EXOC6B: variants seen among roughly 807,000 people sequenced by gnomAD.
EXOC6B encodes exocyst complex component 6B, also known as SEC15 homolog B.
EXOC6B carries 54 observed loss-of-function variants against 113.5 expected under a neutral mutation model. That is an observed-to-expected ratio of 0.48 (90% CI 0.38 to 0.60). EXOC6B has a LOEUF of 0.60. EXOC6B is among the 20% of genes least tolerant of loss of function. The pLI is 0.00. For synonymous variants in EXOC6B, 357 were observed against 339.0 expected (o/e 1.05, Z -0.58); for missense variants, 797 against 977.5 (o/e 0.82, Z 2.46).
At chr2:72,727,787 A>G (rs140849874) in intron 5 of EXOC6B, among the ~76,000 whole-genome samples, 165 of 152,298 alleles carry the variant, frequency 1.1e-3, no homozygotes, top group East Asian at 2.9e-3. Flanking sequence ...GATTATACCA[A>G]AACTTAAAAC....
At chr2:72,786,373 T>C (rs974185539) in intron 1 of EXOC6B, among the ~76,000 whole-genome samples, 17 of 152,220 alleles carry the variant, frequency 1.1e-4, no homozygotes, top group African/African-American at 3.9e-4. Context: ...AGATACTGTA[T>C]TTCACACTGA....
intron 20 of EXOC6B, among the ~76,000 whole-genome samples, chr2:72,214,995 T>G (rs1022183065): frequency 1.3e-5 from 2 of 152,200 alleles, no homozygotes; most frequent in African/African-American, 4.8e-5. Flanking sequence ...TTCACAATGA[T>G]CCATCTTTCA....
At chr2:72,724,658 A>C (rs1304937656) in intron 5 of EXOC6B, among the ~76,000 whole-genome samples, 1 of 152,240 alleles carries the variant, frequency 6.6e-6, no homozygotes, top group Non-Finnish European at 1.5e-5. Context: ...GAATTCGCAA[A>C]GGAGTACATA....
intron 20 of EXOC6B, among the ~76,000 whole-genome samples, chr2:72,249,354 A>G (rs929169889): frequency 2.0e-5 from 3 of 152,090 alleles, no homozygotes; most frequent in African/African-American, 7.2e-5. Context: ...TCCCGGGTTC[A>G]CGTCATTCTC....
rs70963140 is a variant in EXOC6B at position 72,697,105 on chromosome 2, CAGATATAGATAT to C, written c.669+20986_669+20997del. Among the ~76,000 whole-genome samples, 187 of 142,764 alleles carry C rather than the reference CAGATATAGATAT, an allele frequency of 1.3e-3. 3 individuals are homozygous for C. The highest frequency in any genetic ancestry group is 3.1e-3 in the African/African-American group (118 of 38,154). The allele number at this position is 142,764 out of a possible 152,430, so 93.7% of individuals were successfully genotyped here. A position where few individuals can be genotyped will look rare whatever the true frequency, so the allele number is the denominator to read the frequency against. The stretch of plus-strand genomic sequence containing the variant: ...TACATGTGTGTATGATTTTTATATA[CAGATATAGATAT>C]AGATATAGATATAGATATAGATATA... On this transcript the variant is annotated intron_variant, in intron 6 of 21. Coordinates refer to ENST00000272427, the MANE Select transcript of EXOC6B (RefSeq NM_015189.3).
At chr2:72,661,599 T>G (rs1675023567) in intron 6 of EXOC6B, among the ~76,000 whole-genome samples, 1 of 152,142 alleles carries the variant, frequency 6.6e-6, no homozygotes. Context: ...TACGAAATGC[T>G]AATTGAAGAA....
At chr2:72,696,182 CATT>C (rs1175929558) in intron 6 of EXOC6B, among the ~76,000 whole-genome samples, 1 of 152,152 alleles carries the variant, frequency 6.6e-6, no homozygotes, top group Non-Finnish European at 1.5e-5. Flanking sequence ...GTAATATTCT[CATT>C]TAGTTATTTT....
intron 18 of EXOC6B, among the ~76,000 whole-genome samples, chr2:72,451,491 G>A (rs772911798): frequency 5.3e-4 from 80 of 151,942 alleles, no homozygotes; most frequent in African/African-American, 1.8e-3. Context: ...AGTTAAAGAC[G>A]GTAAATCATT....
chr2:72,446,822 G>T (rs1264222158), intron 18 of EXOC6B, among the ~76,000 whole-genome samples: 1 of 152,130 alleles, frequency 6.6e-6, no homozygotes, highest in Non-Finnish European at 1.5e-5. Context: ...CAGAATTTAA[G>T]AATGTTGGCT....
chr2:72,811,292 A>T (rs948392290), intron 1 of EXOC6B, among the ~76,000 whole-genome samples: 21 of 152,206 alleles, frequency 1.4e-4, no homozygotes, highest in African/African-American at 4.6e-4. Context: ...GCTGGGTGAC[A>T]GAACAAGACT....
chr2:72,263,728 G>A (rs1301988183), intron 20 of EXOC6B, among the ~76,000 whole-genome samples: 1 of 152,134 alleles, frequency 6.6e-6, no homozygotes, highest in Non-Finnish European at 1.5e-5. Flanking sequence ...ATCCTGTTAT[G>A]CTGGAAAATG....
At chr2:72,531,128 T>C (rs1392360251) in intron 8 of EXOC6B, among the ~76,000 whole-genome samples, 3 of 152,146 alleles carry the variant, frequency 2.0e-5, no homozygotes, top group African/African-American at 7.2e-5. Flanking sequence ...TTCATTCTCT[T>C]TGCTTTTAGT....
intron 6 of EXOC6B, among the ~76,000 whole-genome samples, chr2:72,615,588 T>TAA (rs754361086): frequency 2.7e-4 from 33 of 120,904 alleles, no homozygotes; most frequent in African/African-American, 6.6e-4. Context: ...ATGCTGATAT[T>TAA]AAAAAAAAAA....
intron 20 of EXOC6B, among the ~76,000 whole-genome samples, chr2:72,226,774 G>A (rs929170262): frequency 1.4e-4 from 22 of 152,172 alleles, no homozygotes; most frequent in African/African-American, 4.8e-4. Flanking sequence ...CGCTCATTAA[G>A]TCAGTAGACC....
intron 18 of EXOC6B, among the ~76,000 whole-genome samples, chr2:72,453,629 A>G (rs935132509): frequency 4.6e-5 from 7 of 152,312 alleles, no homozygotes; most frequent in African/African-American, 1.7e-4. Flanking sequence ...ATAACATTTC[A>G]CTGAATAATA....
intron 8 of EXOC6B, among the ~76,000 whole-genome samples, chr2:72,518,885 C>T (rs546268553): frequency 1.3e-5 from 2 of 152,002 alleles, no homozygotes; most frequent in South Asian, 2.1e-4. Flanking sequence ...GAATCTGAGA[C>T]GTATTTAGGA....
intron 1 of EXOC6B, among the ~76,000 whole-genome samples, chr2:72,758,670 G>A (rs1408701649): frequency 2.0e-5 from 3 of 152,128 alleles, no homozygotes; most frequent in Non-Finnish European, 2.9e-5. Flanking sequence ...AGATGATCCA[G>A]CCCAATTTCA....
rs1427427454 is a variant in EXOC6B at position 72,213,597 on chromosome 2, G to A, written c.2197-29410C>T. Among the ~76,000 whole-genome samples the A allele has an allele frequency of 3.9e-5, 6 of 152,276 alleles. No homozygotes were observed. The East Asian group carries it at 1.2e-3, about 29-fold the overall frequency. Reference sequence around the variant, plus strand: ...TTAGAACTTCAGGATGGGACTTCCTGATAGGGAGCCTTCAAGGTGTGCTAT... The same window carrying A: ...TTAGAACTTCAGGATGGGACTTCCTAATAGGGAGCCTTCAAGGTGTGCTAT... On this transcript the variant is annotated intron_variant, in intron 20 of 21. Coordinates refer to ENST00000272427, the MANE Select transcript of EXOC6B (RefSeq NM_015189.3).
At chr2:72,409,957 G>A (rs193266436) in intron 18 of EXOC6B, among the ~76,000 whole-genome samples, 1 of 152,282 alleles carries the variant, frequency 6.6e-6, no homozygotes, top group Admixed American at 6.5e-5. Context: ...GTCCCACAAT[G>A]AGAACATGGG....
Sources: gnomAD v4.1 joint callset for allele counts (sites outside exome capture counted in the v4.1 genomes callset) on GRCh38, gnomAD v4.1.1 for gene constraint, MANE v1.5 for transcripts, NCBI Gene and HGNC (gene_info 2026-07-23, HGNC 2026-07-21) for gene names.